The following L3MBTL2 variants were observed in gnomAD, a reference collection of about 807,000 sequenced individuals.
The protein encoded by L3MBTL2 is L3MBTL histone methyl-lysine binding protein 2.
A neutral mutation model predicts 86.4 loss-of-function variants in L3MBTL2; 49 were observed. That is an observed-to-expected ratio of 0.57 (90% CI 0.45 to 0.72). L3MBTL2 has a LOEUF of 0.72. Among genes scored for constraint, L3MBTL2 ranks in the 30% least tolerant of loss-of-function variants. The probability of loss-of-function intolerance (pLI) is 0.00; values close to 1 mark genes in which losing one functional copy is unlikely to be tolerated. For missense variants in L3MBTL2, 755 were observed against 923.7 expected, an observed-to-expected ratio of 0.82 and a Z score of 2.37; for synonymous variants, 336 against 350.6, an observed-to-expected ratio of 0.96 and a Z score of 0.47.
At chr22:41,226,978 A>G (rs1219052884) in intron 13 of L3MBTL2, 111 bp from the exon 14 acceptor site, 29 of 960,278 alleles carry the variant, frequency 3.0e-5, no homozygotes, top group Non-Finnish European at 2.7e-5. Flanking sequence ...CCCAGCAGCC[A>G]TTCCAGTCCC....
At chr22:41,217,419 G>A in intron 5 of L3MBTL2, 1 of 545,108 alleles carries the variant, frequency 1.8e-6, no homozygotes, top group East Asian at 3.2e-5. Context: ...CCGGTCTGAA[G>A]CCCTTCAGTT....
At chr22:41,213,425 A>G (rs535552285) in intron 2 of L3MBTL2, among the ~76,000 whole-genome samples, 13 of 149,576 alleles carry the variant, frequency 8.7e-5, no homozygotes, top group Admixed American at 5.4e-4. Context: ...TCCTGGGCTC[A>G]GGCAGTTTCC....
At position 41,225,690 on chromosome 22, in the gene L3MBTL2, C is replaced by T. The variant is rs1188986908; in HGVS notation, c.1357-104C>T. ...CTCCAGGAGGGCCATGCCCTAGATC[C>T]GTTTGGATCCATTTGCCTCGTGTCC... is the stretch of plus-strand genomic sequence containing the variant. On this transcript the variant is annotated intron_variant, in intron 11 of 16. Coordinates refer to ENST00000216237, the MANE Select transcript of L3MBTL2 (RefSeq NM_031488.5). The surrounding 1 kb of genome is among the most constrained non-coding windows in gnomAD (Gnocchi z 4.1). 4.8e-6 allele frequency: 6 copies of T among 1,252,280 alleles called. No homozygotes were observed. The highest frequency in any genetic ancestry group is 4.5e-5 in the African/African-American group (3 of 67,158). 77.6% of individuals were successfully genotyped at this position (1,252,280 alleles called of 1,614,324 possible). A position where few individuals can be genotyped will look rare whatever the true frequency, so the allele number is the denominator to read the frequency against.
rs1311695407 is a variant in L3MBTL2 at position 41,227,461 on chromosome 22, CCCCGTCACCCAG to C, written c.1822+142_1822+153del. 8.9e-5 allele frequency: 105 copies of C among 1,184,674 alleles called. No individual in the cohort carries two copies. The East Asian group carries it at 2.5e-3, about 28-fold the overall frequency. The allele number at this position is 1,184,674 out of a possible 1,614,324, so 73.4% of individuals were successfully genotyped here. On this transcript the variant is annotated intron_variant, in intron 14 of 16. Coordinates refer to ENST00000216237, the MANE Select transcript of L3MBTL2 (RefSeq NM_031488.5). The surrounding 1 kb of genome is among the most constrained non-coding windows in gnomAD (Gnocchi z 6.0). ...TGGACCACTTTAAGTAGAGAGTGAGCCCCGTCACCCAGCCCCTGCTCCTGACTTCTCTGTCTC... is the reference window on the plus strand; with the variant it reads ...TGGACCACTTTAAGTAGAGAGTGAGCCCCCTGCTCCTGACTTCTCTGTCTC...
rs1357964173 is a variant in L3MBTL2 at position 41,224,451 on chromosome 22, T to G, written c.1174+200T>G. 6.6e-6 allele frequency among the ~76,000 whole-genome samples: 1 copy of G among 152,160 alleles called. No homozygotes were observed. Among genetic ancestry groups the G allele is most frequent in the Non-Finnish European group, 1.5e-5 (1 of 68,026 alleles). ...ACTTGTGAGTGGTAAAATCAAGATT[T>G]GAACCCAGATGCTACCAGCCCCGAT... On this transcript the variant is annotated intron_variant, in intron 9 of 16. Transcript: ENST00000216237. The surrounding 1 kb of genome is among the most constrained non-coding windows in gnomAD (Gnocchi z 4.9).
rs566918832 is a variant in L3MBTL2 at position 41,230,317 on chromosome 22, A to G, written c.*66A>G. On this transcript the variant is annotated 3_prime_UTR_variant, in exon 17 of 17. Transcript: ENST00000216237. ...CCAGCGTTTCTCTACCACCACCACC[A>G]TGCCTCCACCTGACTTTGGCTTGGA... The G allele has an allele frequency of 5.1e-5, 59 of 1,152,914 alleles. No individual in the cohort carries two copies. In the East Asian group the frequency reaches 1.3e-3, roughly 25 times the overall value. The allele number at this position is 1,152,914 out of a possible 1,614,324, so 71.4% of individuals were successfully genotyped here.
rs1319465572 is a variant in L3MBTL2, at chr22:41,214,074, C to T, written c.396+48C>T. ...CTTCCCGGTGCCTTTGGTGCTGAGA[C>T]AGGAACCACCAAGTGACTGAAGGCC... On this transcript the variant is annotated intron_variant, in intron 3 of 16. Transcript: ENST00000216237. The T allele has an allele frequency of 6.2e-6, 10 of 1,602,672 alleles. No individual in the cohort carries two copies. The South Asian group carries it at 6.6e-5, about 11-fold the overall frequency.
In L3MBTL2 at chr22:41,219,440, G is replaced by A; in HGVS notation, c.622G>A (p.Glu208Lys). The A allele has an allele frequency of 6.2e-7, 1 of 1,613,616 alleles. No homozygotes were observed. Among genetic ancestry groups the A allele is most frequent in the Non-Finnish European group, 8.5e-7 (1 of 1,179,602 alleles). ...FKHVPLYDQWEDVMKGMKVEV... is the reference protein window; with the variant it reads ...FKHVPLYDQWKDVMKGMKVEV... Reference sequence around the variant, plus strand: ...ACAGGTCCCACTCTATGACCAGTGGGAGGATGTGATGAAAGGGATGAAGGT... The same window carrying A: ...ACAGGTCCCACTCTATGACCAGTGGAAGGATGTGATGAAAGGGATGAAGGT... Residue 208 changes from glutamate (E) to lysine (K), a missense_variant, in exon 6 of 17, where the codon GAG (glutamate) becomes AAG (lysine). Physicochemically the swap from Glu to Lys is moderately conservative, Grantham distance 56 (BLOSUM62 1). Coordinates refer to ENST00000216237, the MANE Select transcript of L3MBTL2 (RefSeq NM_031488.5).
intron 8 of L3MBTL2, among the ~76,000 whole-genome samples, chr22:41,223,742 C>T (rs2031991347): frequency 6.6e-6 from 1 of 152,220 alleles, no homozygotes; most frequent in Admixed American, 6.5e-5. Context: ...TTTGCATCAA[C>T]TCATTGGCGT....
intron 12 of L3MBTL2, 100 bp downstream of exon 12, chr22:41,226,041 C>T: frequency 2.2e-6 from 3 of 1,344,224 alleles, no homozygotes; most frequent in Non-Finnish European, 3.1e-6. Flanking sequence ...CTTTGGGAGG[C>T]CGAGGCAGGT....
At chr22:41,213,757 C>T (rs2031112276) in intron 2 of L3MBTL2, 136 bp from the exon 3 acceptor site, 1 of 918,890 alleles carries the variant, frequency 1.1e-6, no homozygotes, top group South Asian at 1.6e-5. Flanking sequence ...TCCCATTCCT[C>T]CTCTTATTCC....
chr22:41,223,119 T>A (rs2031942252), intron 8 of L3MBTL2, among the ~76,000 whole-genome samples: 1 of 152,166 alleles, frequency 6.6e-6, no homozygotes, highest in African/African-American at 2.4e-5. Flanking sequence ...TCAGGACGTA[T>A]CCCAAGCCCT....
rs138870411 is a variant in L3MBTL2, at chr22:41,230,173, C to A, written c.2040C>A (p.Asp680Glu). 1 of 1,457,658 alleles carries A rather than the reference C, an allele frequency of 6.9e-7. No homozygotes were observed. The highest frequency in any genetic ancestry group is 1.1e-5 in the South Asian group (1 of 89,058). The allele number at this position is 1,457,658 out of a possible 1,614,324, so 90.3% of individuals were successfully genotyped here. A position where few individuals can be genotyped will look rare whatever the true frequency, so the allele number is the denominator to read the frequency against. Residue 680 changes from aspartate (D) to glutamate (E), a missense_variant, in exon 17 of 17, where the codon GAC (aspartate) becomes GAA (glutamate). This residue lies in a region of L3MBTL2 where 634 missense variants were observed against 748.9 expected (regional missense o/e 0.85). Coordinates refer to ENST00000216237, the MANE Select transcript of L3MBTL2 (RefSeq NM_031488.5). The stretch of plus-strand genomic sequence containing the variant: ...TGCGTGTGAAGGAAGAGCATCTAGA[C>A]GTGGCCTCGCCCGACAAGGCTTCAA... ...IAVRVKEEHL[D>E]VASPDKASSP...
chr22:41,219,970 C>G (rs1437081905), intron 6 of L3MBTL2, among the ~76,000 whole-genome samples: 3 of 152,136 alleles, frequency 2.0e-5, no homozygotes, highest in Non-Finnish European at 4.4e-5. Flanking sequence ...TCTCAAACTC[C>G]TGACCTCAGG....
rs2032444892 is a variant in L3MBTL2 at position 41,229,670 on chromosome 22, G to A, written c.2005+14G>A. ...TTCCTGGCGAGAGTAAGAGCCACCG[G>A]GCTGGGTCAAGGCAGGACCAGCCTG... On this transcript the variant is annotated intron_variant, in intron 16 of 16. Coordinates refer to ENST00000216237, the MANE Select transcript of L3MBTL2 (RefSeq NM_031488.5). 2 of 1,613,128 alleles carry A rather than the reference G, an allele frequency of 1.2e-6. No individual in the cohort carries two copies. The highest frequency in any genetic ancestry group is 1.7e-6 in the Non-Finnish European group (2 of 1,180,016).
rs1317512896 is a variant in L3MBTL2, at chr22:41,220,674, A to AG, written c.719-60_719-59insG. ...CTTCGTCTCAGAAAAAAAAAAAAAAAACAGAACATACCTTCCCCAGCTCAC... is the reference window on the plus strand; with the variant it reads ...CTTCGTCTCAGAAAAAAAAAAAAAAAGACAGAACATACCTTCCCCAGCTCAC... On this transcript the variant is annotated intron_variant, in intron 6 of 16. Coordinates refer to ENST00000216237, the MANE Select transcript of L3MBTL2 (RefSeq NM_031488.5). 3 of 1,519,492 alleles carry AG rather than the reference A, an allele frequency of 2.0e-6. No homozygotes were observed. In the African/African-American group the frequency reaches 4.2e-5, roughly 21 times the overall value. The allele number at this position is 1,519,492 out of a possible 1,614,324, so 94.1% of individuals were successfully genotyped here. A position where few individuals can be genotyped will look rare whatever the true frequency, so the allele number is the denominator to read the frequency against.
At chr22:41,220,967 G>C (rs1601521850) in intron 7 of L3MBTL2, 99 bp downstream of exon 7, 4 of 1,383,184 alleles carry the variant, frequency 2.9e-6, no homozygotes, top group Non-Finnish European at 3.9e-6. Context: ...CCTCTGTCTT[G>C]TTAGAACAGA....
chr22:41,222,360 T>TA (rs2031885679), intron 8 of L3MBTL2, among the ~76,000 whole-genome samples: 1 of 152,204 alleles, frequency 6.6e-6, no homozygotes, highest in Admixed American at 6.5e-5. Context: ...CAGCACAGGG[T>TA]AAAGCCCAGT....
chr22:41,209,513 C>T (rs911754407), intron 1 of L3MBTL2, 183 bp from the exon 2 acceptor site: 13 of 602,340 alleles, frequency 2.2e-5, no homozygotes, highest in Non-Finnish European at 3.9e-5. Context: ...TCTTGTTAAG[C>T]TGTTGAATTG....
Sources: allele counts gnomAD v4.1 joint callset (sites outside exome capture counted in the v4.1 genomes callset), GRCh38; gene constraint gnomAD v4.1.1; regional missense constraint gnomAD v4.1.1; non-coding constraint Gnocchi (gnomAD v3.1); transcripts MANE v1.5; gene names NCBI Gene and HGNC (gene_info 2026-07-23, HGNC 2026-07-21).